Variants in NEGR1 observed in about 807,000 individuals in gnomAD.
NEGR1 encodes the protein IgLON family member 4.
In NEGR1, 10 loss-of-function variants were observed where a neutral mutation model predicts 40.9. The ratio of observed to expected loss-of-function variants is 0.24; its 90% CI spans 0.15 to 0.42. NEGR1 has a LOEUF of 0.42. Among genes scored for constraint, NEGR1 ranks in the 10% least tolerant of loss-of-function variants. The pLI is 1.00. For synonymous variants in NEGR1, 185 were observed against 166.8 expected, an observed-to-expected ratio of 1.11 and a Z score of -0.84; for missense variants, 352 against 438.9, an observed-to-expected ratio of 0.80 and a Z score of 1.77.
At chr1:71,728,121 G>A (rs917254630) in intron 3 of NEGR1, among the ~76,000 whole-genome samples, 10 of 152,174 alleles carry the variant, frequency 6.6e-5, no homozygotes, top group African/African-American at 2.4e-4. Flanking sequence ...TTTCTAATGT[G>A]AGCAGGCAGA....
intron 2 of NEGR1, among the ~76,000 whole-genome samples, chr1:71,842,416 T>C (rs962334534): frequency 6.6e-6 from 1 of 152,178 alleles, no homozygotes; most frequent in African/African-American, 2.4e-5. Flanking sequence ...AAGCTGGAGA[T>C]ACATTTTGTT....
intron 3 of NEGR1, among the ~76,000 whole-genome samples, chr1:71,734,693 A>T (rs574390731): frequency 6.6e-6 from 1 of 152,086 alleles, no homozygotes; most frequent in Non-Finnish European, 1.5e-5. Context: ...ATTCCTCCCA[A>T]ATGAATTCTG....
At chr1:71,760,929 A>G (rs1655919571) in intron 3 of NEGR1, among the ~76,000 whole-genome samples, 1 of 152,228 alleles carries the variant, frequency 6.6e-6, no homozygotes, top group Non-Finnish European at 1.5e-5. Context: ...TTTCTGGTTT[A>G]TAACTGTAAT....
At chr1:71,460,986 G>T (rs190319186) in intron 6 of NEGR1, among the ~76,000 whole-genome samples, 1 of 151,290 alleles carries the variant, frequency 6.6e-6, no homozygotes, top group Admixed American at 6.6e-5. Flanking sequence ...TTTTAAGCTT[G>T]CTGGTCTCTG....
At chr1:71,580,363 C>T (rs954039485) in intron 6 of NEGR1, among the ~76,000 whole-genome samples, 15 of 150,668 alleles carry the variant, frequency 1.0e-4, no homozygotes, top group South Asian at 2.1e-4. Flanking sequence ...TGCTAGATGA[C>T]GAGTTAGTGG....
intron 6 of NEGR1, among the ~76,000 whole-genome samples, chr1:71,443,718 C>A (rs561266448): frequency 6.6e-6 from 1 of 152,170 alleles, no homozygotes; most frequent in Non-Finnish European, 1.5e-5. Flanking sequence ...GTTGAATATG[C>A]TTTGCCTAAT....
rs907278709 is a variant in NEGR1 at position 71,925,165 on chromosome 1, C to T, written c.409+9914G>A. Among the ~76,000 whole-genome samples, 8 of 152,138 alleles carry T rather than the reference C, an allele frequency of 5.3e-5. No individual in the cohort carries two copies. In the East Asian group the frequency reaches 1.2e-3, roughly 22 times the overall value. ...TTCTTGGAGTCCACAAATAGATTTACGGTGTTCATAAGCCTGTGCTCATGT... is the reference window on the plus strand; with the variant it reads ...TTCTTGGAGTCCACAAATAGATTTATGGTGTTCATAAGCCTGTGCTCATGT... On this transcript the variant is annotated intron_variant, in intron 2 of 6. Transcript: ENST00000357731.
intron 1 of NEGR1, among the ~76,000 whole-genome samples, chr1:72,080,223 A>G (rs2100526724): frequency 6.6e-6 from 1 of 152,244 alleles, no homozygotes; most frequent in African/African-American, 2.4e-5. Flanking sequence ...AAGTTTAAAT[A>G]AATATTTCAT....
Position 71,405,290 on chromosome 1 carries a change from A to T in NEGR1, c.*2156T>A, listed in dbSNP as rs1000147979. On this transcript the variant is annotated 3_prime_UTR_variant, in exon 7 of 7. Coordinates refer to ENST00000357731, the MANE Select transcript of NEGR1 (RefSeq NM_173808.3). ...ACTCTAGGAAAGCGGTCACTGAATA[A>T]TATGCATTCTTGATCTGTTTCTTTC... The T allele has an allele frequency of 1.3e-5, 2 of 152,272 alleles. No homozygotes were observed. The highest frequency in any genetic ancestry group is 4.8e-5 in the African/African-American group (2 of 41,434). 9.4% of individuals were successfully genotyped at this position (152,272 alleles called of 1,614,324 possible).
intron 1 of NEGR1, among the ~76,000 whole-genome samples, chr1:72,132,001 A>AG (rs1298911048): frequency 4.6e-5 from 7 of 152,140 alleles, no homozygotes; most frequent in Non-Finnish European, 1.0e-4. Context: ...TGGGGTCCTG[A>AG]GGCAGGAGAA....
chr1:71,403,845 A>T lies in NEGR1; in HGVS notation c.*3601T>A, dbSNP rs1646260250. 2.6e-6 allele frequency: 1 copy of T among 382,248 alleles called. No individual in the cohort carries two copies. Among genetic ancestry groups the T allele is most frequent in the Non-Finnish European group, 4.7e-6 (1 of 214,250 alleles). The allele number at this position is 382,248 out of a possible 1,614,324, so 23.7% of individuals were successfully genotyped here. On this transcript the variant is annotated 3_prime_UTR_variant, in exon 7 of 7. Coordinates refer to ENST00000357731, the MANE Select transcript of NEGR1 (RefSeq NM_173808.3). ...CTAAAAGACAGGAAGAGCTTTTTCC[A>T]GTCTTTAAAGTAAATACATATTCAA...
At chr1:71,513,694 C>CAGCA (rs1263486919) in intron 6 of NEGR1, among the ~76,000 whole-genome samples, 1 of 152,182 alleles carries the variant, frequency 6.6e-6, no homozygotes, top group African/African-American at 2.4e-5. Flanking sequence ...TAAGATCACA[C>CAGCA]AGCAGAGGAG....
chr1:72,073,957 G>T, intron 1 of NEGR1, among the ~76,000 whole-genome samples: 1 of 152,114 alleles, frequency 6.6e-6, no homozygotes, highest in South Asian at 2.1e-4. Flanking sequence ...AAATACAAAA[G>T]TTTTGAGATT....
intron 2 of NEGR1, among the ~76,000 whole-genome samples, chr1:71,790,970 C>G (rs1421031012): frequency 1.3e-5 from 2 of 151,576 alleles, no homozygotes; most frequent in Non-Finnish European, 2.9e-5. Context: ...GACTGGTAGA[C>G]AACTGGGGAA....
intron 5 of NEGR1, among the ~76,000 whole-genome samples, chr1:71,602,682 C>A (rs995888617): frequency 3.9e-5 from 6 of 152,142 alleles, no homozygotes; most frequent in African/African-American, 1.4e-4. Flanking sequence ...TCTTACTGTG[C>A]ACTTTCACAG....
In NEGR1 at chr1:71,453,341, T is replaced by C. The variant is rs193265378; in HGVS notation, c.941-45771A>G. ...TAGCTCTTTTAATTATATAATAAAC[T>C]GTCCCTGGCTTGCAGGGACAGGGTT... On this transcript the variant is annotated intron_variant, in intron 6 of 6. Transcript: ENST00000357731. 1.4e-3 allele frequency among the ~76,000 whole-genome samples: 217 copies of C among 152,226 alleles called. 2 individuals carry two copies. The highest frequency in any genetic ancestry group is 7.1e-4 in the Non-Finnish European group (48 of 67,966).
At chr1:72,207,767 G>A (rs1653462849) in intron 1 of NEGR1, among the ~76,000 whole-genome samples, 1 of 151,632 alleles carries the variant, frequency 6.6e-6, no homozygotes, top group Non-Finnish European at 1.5e-5. Context: ...TTGAATAAAT[G>A]CCAATTAAAA....
chr1:72,040,010 C>T (rs138382023), intron 1 of NEGR1, among the ~76,000 whole-genome samples: 25 of 152,010 alleles, frequency 1.6e-4, no homozygotes, highest in Non-Finnish European at 2.5e-4. Flanking sequence ...ATAAAAAATA[C>T]GTGTCTAATG....
At chr1:71,843,117 C>T (rs183261758) in intron 2 of NEGR1, among the ~76,000 whole-genome samples, 3 of 152,158 alleles carry the variant, frequency 2.0e-5, no homozygotes, top group East Asian at 3.9e-4. Context: ...AAATGAATGT[C>T]GTTATAGTGC....
Sources: allele counts gnomAD v4.1 joint callset (sites outside exome capture counted in the v4.1 genomes callset), GRCh38; gene constraint gnomAD v4.1.1; transcripts MANE v1.5; gene names NCBI Gene and HGNC (gene_info 2026-07-23, HGNC 2026-07-21).